MED20: variants seen among roughly 807,000 people sequenced by gnomAD.
The protein encoded by MED20 is mediator of RNA polymerase II transcription subunit 20.
Under a neutral mutation model 19.7 loss-of-function variants are expected in MED20, and 19 were observed. That is an observed-to-expected ratio of 0.96 (90% CI 0.67 to 1.42). The LOEUF (loss-of-function observed/expected upper bound fraction) is 1.42. Ranked by LOEUF, MED20 falls within the 40% of genes most tolerant of loss-of-function variation. The pLI is 0.00. For missense variants in MED20, 225 were observed against 273.0 expected, an observed-to-expected ratio of 0.82 and a Z score of 1.24; for synonymous variants, 105 against 104.8, an observed-to-expected ratio of 1.00 and a Z score of -0.01.
rs1299938808 is a variant in MED20, at chr6:41,905,687, G to A, written c.*1385C>T. 6.6e-6 allele frequency: 1 copy of A among 152,202 alleles called. No homozygotes were observed. The highest frequency in any genetic ancestry group is 1.5e-5 in the Non-Finnish European group (1 of 68,046). The allele number at this position is 152,202 out of a possible 1,614,324, so 9.4% of individuals were successfully genotyped here. ...CTCTGTGTATATCAAGGTTAACCTG[G>A]ATGAATATTTCTGCAGCAGGCATGG... On this transcript the variant is annotated 3_prime_UTR_variant, in exon 4 of 4. Coordinates refer to ENST00000265350, the MANE Select transcript of MED20 (RefSeq NM_004275.5).
Position 41,914,631 on chromosome 6 carries a change from ATTGCC to A in MED20, c.169+2149_169+2153del, listed in dbSNP as rs1775270151. On this transcript the variant is annotated intron_variant, in intron 2 of 3. Coordinates refer to ENST00000265350, the MANE Select transcript of MED20 (RefSeq NM_004275.5). ...AACTCATATCCAAAGAGTCTCTCTCATTGCCTAAGCCCAGGAGTTAGAGCTTGCAG... is the reference window on the plus strand; with the variant it reads ...AACTCATATCCAAAGAGTCTCTCTCATAAGCCCAGGAGTTAGAGCTTGCAG... 2.7e-5 allele frequency among the ~76,000 whole-genome samples: 4 copies of A among 150,662 alleles called. No homozygotes were observed. The South Asian group carries it at 8.4e-4, about 32-fold the overall frequency.
chr6:41,907,339 C>T (rs1216697646), intron 3 of MED20, 52 bp from the exon 4 acceptor site: 1 of 1,528,154 alleles, frequency 6.5e-7, no homozygotes, highest in African/African-American at 1.4e-5. Context: ...AAGACAAGGT[C>T]TGCTTCTCTT....
In MED20 at chr6:41,921,124, G is replaced by A. The variant is rs1449195800; in HGVS notation, c.-106C>T. Reference sequence around the variant, plus strand: ...CCCAACACAACCTTCTGTCTCAGAAGGGACTCCGGAAATACGTAAAAACAG... The same window carrying A: ...CCCAACACAACCTTCTGTCTCAGAAAGGACTCCGGAAATACGTAAAAACAG... On this transcript the variant is annotated 5_prime_UTR_variant, in exon 1 of 4. Coordinates refer to ENST00000265350, the MANE Select transcript of MED20 (RefSeq NM_004275.5). 1 of 1,460,956 alleles carries A rather than the reference G, an allele frequency of 6.8e-7. No individual in the cohort carries two copies. Among genetic ancestry groups the A allele is most frequent in the Non-Finnish European group, 9.4e-7 (1 of 1,068,274 alleles). 90.5% of individuals were successfully genotyped at this position (1,460,956 alleles called of 1,614,324 possible).
chr6:41,911,495 T>C (rs1350829088), intron 2 of MED20, among the ~76,000 whole-genome samples: 4 of 151,858 alleles, frequency 2.6e-5, no homozygotes, highest in Non-Finnish European at 4.4e-5. Flanking sequence ...ATAAAACAAG[T>C]TATTACCGAG....
intron 2 of MED20, among the ~76,000 whole-genome samples, chr6:41,916,555 G>A (rs774505488): frequency 4.3e-4 from 65 of 151,990 alleles, no homozygotes; most frequent in Admixed American, 9.8e-4. Context: ...ACTCCAGCCT[G>A]GGCAACAAGA....
intron 2 of MED20, among the ~76,000 whole-genome samples, chr6:41,915,216 T>C (rs1234744581): frequency 6.6e-6 from 1 of 151,506 alleles, no homozygotes; most frequent in Non-Finnish European, 1.5e-5. Context: ...GGCAGATCCC[T>C]TGAGCTCAGG....
intron 2 of MED20, among the ~76,000 whole-genome samples, 191 bp from the exon 3 acceptor site, chr6:41,909,713 G>A (rs1775145236): frequency 6.6e-6 from 1 of 152,172 alleles, no homozygotes; most frequent in African/African-American, 2.4e-5. Context: ...AGCAGGAGAG[G>A]CAGCATGTGG....
At chr6:41,920,977 C>A in intron 1 of MED20, 28 bp downstream of exon 1, 3 of 1,606,952 alleles carry the variant, frequency 1.9e-6, no homozygotes, top group Non-Finnish European at 2.5e-6. Context: ...CTCCAAGCCC[C>A]GCCCCACAAA....
chr6:41,915,523 C>T (rs150128575), intron 2 of MED20, among the ~76,000 whole-genome samples: 1,734 of 152,048 alleles, frequency 0.011, 17 homozygotes, highest in Non-Finnish European at 0.017. Context: ...CGCGGTGGCT[C>T]ACGCCTATAA....
intron 2 of MED20, among the ~76,000 whole-genome samples, chr6:41,913,366 C>T (rs1205168099): frequency 1.3e-5 from 2 of 152,142 alleles, no homozygotes; most frequent in African/African-American, 4.8e-5. Flanking sequence ...GTGCTGTCTC[C>T]CCAACTAGAC....
Position 41,907,139 on chromosome 6 carries a change from A to G in MED20, c.572T>C (p.Val191Ala). Residue 191 changes from valine to alanine, a missense_variant, in exon 4 of 4, where the codon GTC becomes GCC. Coordinates refer to ENST00000265350, the MANE Select transcript of MED20 (RefSeq NM_004275.5). ...CTTGTTGAAGAGTTCCATGTACTGG[A>G]CCATGGTATCTGCTGGGCCGTAGAC... ...DAVYGPADTMVQYMELFNKIR... is the reference protein window; with the variant it reads ...DAVYGPADTMAQYMELFNKIR... 6.2e-7 allele frequency: 1 copy of G among 1,613,936 alleles called. No individual in the cohort carries two copies. The highest frequency in any genetic ancestry group is 1.6e-4 in the Middle Eastern group (1 of 6,062).
intron 3 of MED20, chr6:41,908,821 A>G: frequency 5.9e-6 from 1 of 169,438 alleles, no homozygotes; most frequent in Non-Finnish European, 1.3e-5. Context: ...AAAGGATAAA[A>G]GATTCACGAA....
At chr6:41,917,075 A>C in intron 1 of MED20, 136 bp from the exon 2 acceptor site, 2 of 872,330 alleles carry the variant, frequency 2.3e-6, no homozygotes, top group Non-Finnish European at 3.3e-6. Flanking sequence ...CCGTCTCCCA[A>C]TCCCTGCAAC....
intron 3 of MED20, 143 bp from the exon 4 acceptor site, chr6:41,907,430 A>T: frequency 1.3e-6 from 1 of 749,302 alleles, no homozygotes; most frequent in East Asian, 2.7e-5. Flanking sequence ...GGTCCACAGG[A>T]AACATTCAAC....
intron 2 of MED20, among the ~76,000 whole-genome samples, chr6:41,911,153 A>C (rs962115928): frequency 4.0e-5 from 6 of 148,860 alleles, no homozygotes; most frequent in Non-Finnish European, 8.9e-5. Context: ...TAGGCTAAAA[A>C]CTTTTTTTTT....
Position 41,907,288 on chromosome 6 carries a change from C to T in MED20, c.424-1G>A, listed in dbSNP as rs1189686046. ...CTACCACACAGGGGCCATACTCCACCTGGGAACCAAAAGCACAGAGAATGA... is the reference window on the plus strand; with the variant it reads ...CTACCACACAGGGGCCATACTCCACTTGGGAACCAAAAGCACAGAGAATGA... On this transcript the variant is annotated splice_acceptor_variant, in intron 3 of 3. Transcript: ENST00000265350. LOFTEE classifies it high-confidence loss of function. 15 of 1,609,368 alleles carry T rather than the reference C, an allele frequency of 9.3e-6. No individual in the cohort carries two copies. Among genetic ancestry groups the T allele is most frequent in the Non-Finnish European group, 1.3e-5 (15 of 1,177,734 alleles).
At chr6:41,917,399 TAA>T (rs1236182311) in intron 1 of MED20, 103 of 158,956 alleles carry the variant, frequency 6.5e-4, no homozygotes, top group South Asian at 2.9e-3. Context: ...GACGCCATCT[TAA>T]AAAAAAAAAA....
chr6:41,915,977 TG>T (rs1266558810), intron 2 of MED20, among the ~76,000 whole-genome samples: 1 of 152,152 alleles, frequency 6.6e-6, no homozygotes, highest in African/African-American at 2.4e-5. Flanking sequence ...CCAGGAGTGG[TG>T]GCTCATACCT....
rs1341395028 is a variant in MED20 at position 41,917,481 on chromosome 6, G to C, written c.15-542C>G. ...AGAACAAGGAGTCCAATCTGTAACTGAATGTGAACAATCAATTAAGATAAC... is the reference window on the plus strand; with the variant it reads ...AGAACAAGGAGTCCAATCTGTAACTCAATGTGAACAATCAATTAAGATAAC... On this transcript the variant is annotated intron_variant, in intron 1 of 3. Coordinates refer to ENST00000265350, the MANE Select transcript of MED20 (RefSeq NM_004275.5). 1.3e-5 allele frequency: 3 copies of C among 238,402 alleles called. No individual in the cohort carries two copies. The East Asian group carries it at 3.2e-4, about 26-fold the overall frequency. 14.8% of individuals were successfully genotyped at this position (238,402 alleles called of 1,614,324 possible).
Sources: gnomAD v4.1 joint callset for allele counts (sites outside exome capture counted in the v4.1 genomes callset) on GRCh38, gnomAD v4.1.1 for gene constraint, MANE v1.5 for transcripts, NCBI Gene and HGNC (gene_info 2026-07-23, HGNC 2026-07-21) for gene names.